Variants in DNAH17 observed in about 807,000 individuals in gnomAD.
The protein encoded by DNAH17 is dynein axonemal heavy chain 17, also known as axonemal beta dynein heavy chain 17.
DNAH17 carries 376 observed loss-of-function variants against 485.6 expected under a neutral mutation model. The ratio of observed to expected loss-of-function variants is 0.77; its 90% CI spans 0.71 to 0.84. The LOEUF (loss-of-function observed/expected upper bound fraction) is 0.84. Ranked by LOEUF, DNAH17 falls within the 40% of genes least tolerant of loss-of-function variation. DNAH17 has a pLI of 0.00. For missense variants in DNAH17, 6,370 were observed against 5,839.3 expected (o/e 1.09, Z -2.96); for synonymous variants, 3,031 against 2,405.9 (o/e 1.26, Z -7.60).
chr17:78,504,483 ACCCC>A (rs2090418742), intron 31 of DNAH17, among the ~76,000 whole-genome samples: 1 of 95,262 alleles, frequency 1.0e-5, no homozygotes, highest in Non-Finnish European at 2.4e-5. Flanking sequence ...CACCCCACCC[ACCCC>A]ACCCACCCCA....
chr17:78,451,444 G>A lies in DNAH17; in HGVS notation c.10734+25C>T, dbSNP rs371942191. 1.3e-4 allele frequency: 206 copies of A among 1,589,660 alleles called. 2 individuals are homozygous for A. The Middle Eastern group carries it at 3.1e-3, about 24-fold the overall frequency. On this transcript the variant is annotated intron_variant, in intron 66 of 80. Transcript: ENST00000389840. Reference sequence around the variant, plus strand: ...TCTGTGTGGGACGGCACCTCCTCCCGTGTGACCAAACTTCAGGCCATTACC... The same window carrying A: ...TCTGTGTGGGACGGCACCTCCTCCCATGTGACCAAACTTCAGGCCATTACC...
chr17:78,478,556 ACCAT>A (rs1264144278), intron 51 of DNAH17, among the ~76,000 whole-genome samples: 1 of 151,458 alleles, frequency 6.6e-6, no homozygotes, highest in African/African-American at 2.4e-5. Flanking sequence ...CATGACAATC[ACCAT>A]CATCATGACC....
At chr17:78,496,291 G>A (rs1192458947) in intron 37 of DNAH17, among the ~76,000 whole-genome samples, 2 of 152,014 alleles carry the variant, frequency 1.3e-5, no homozygotes, top group Admixed American at 1.3e-4. Context: ...GCTGGAGGAT[G>A]ATTTGAGCCC....
At chr17:78,493,997 T>C (rs748278120) in intron 41 of DNAH17, 39 bp downstream of exon 41, 5 of 1,592,686 alleles carry the variant, frequency 3.1e-6, no homozygotes, top group Non-Finnish European at 4.3e-6. Context: ...TCCCCCACCA[T>C]GCCGGATCCC....
At chr17:78,453,595 A>G (rs768439634) in intron 64 of DNAH17, 130 bp from the exon 65 acceptor site, 18 of 1,215,602 alleles carry the variant, frequency 1.5e-5, no homozygotes, top group Non-Finnish European at 1.8e-5. Context: ...GGAGCCCACA[A>G]CTTGTTCCCA....
intron 69 of DNAH17, among the ~76,000 whole-genome samples, chr17:78,446,694 A>T (rs993771782): frequency 6.6e-6 from 1 of 152,034 alleles, no homozygotes; most frequent in Admixed American, 6.5e-5. Context: ...CCCAGGCTGG[A>T]GCGCAGTAGC....
Position 78,445,636 on chromosome 17 carries a change from G to T in DNAH17, c.11256C>A (p.Phe3752Leu), listed in dbSNP as rs142847712. The T allele has an allele frequency of 6.4e-7, 1 of 1,572,942 alleles. No homozygotes were observed. Among genetic ancestry groups the T allele is most frequent in the Non-Finnish European group, 8.6e-7 (1 of 1,159,172 alleles). The change falls in exon 70 of 81, where the codon TTC becomes TTA. Residue 3752 changes from phenylalanine to leucine, a missense_variant. Physicochemically the swap from Phe to Leu is conservative, Grantham distance 22. Coordinates refer to ENST00000389840, the MANE Select transcript of DNAH17 (RefSeq NM_173628.4). ...CGGCCTTAAAAGGGAACCGCAGGAGGAAATCCAGCTCCACTGGGTTCAGCT... is the reference window on the plus strand; with the variant it reads ...CGGCCTTAAAAGGGAACCGCAGGAGTAAATCCAGCTCCACTGGGTTCAGCT... ...KKELNPVELD[F>L]LLRFPFKAGV...
intron 33 of DNAH17, 144 bp downstream of exon 33, chr17:78,502,447 A>C: frequency 2.7e-6 from 2 of 730,698 alleles, no homozygotes; most frequent in Non-Finnish European, 4.3e-6. Flanking sequence ...TGGCCTGTGG[A>C]AACGACGGTT....
intron 20 of DNAH17, 52 bp from the exon 21 acceptor site, chr17:78,530,564 G>C (rs916657457): frequency 7.0e-6 from 11 of 1,560,890 alleles, no homozygotes; most frequent in South Asian, 4.8e-5. Context: ...CCTAGGGGGG[G>C]CGTCAGCACA....
chr17:78,526,615 G>T lies in DNAH17; in HGVS notation c.3711+36C>A, dbSNP rs370001729. ...AGAAAAGAAAGCAGTGGGGTTCCCA[G>T]ACTTACCCCCTGATCTCACCCTTGA... On this transcript the variant is annotated intron_variant, in intron 24 of 80. Coordinates refer to ENST00000389840, the MANE Select transcript of DNAH17 (RefSeq NM_173628.4). The T allele has an allele frequency of 3.1e-5, 47 of 1,525,554 alleles. 1 individual carries two copies. The Admixed American group carries it at 6.2e-4, about 20-fold the overall frequency. The allele number at this position is 1,525,554 out of a possible 1,614,324, so 94.5% of individuals were successfully genotyped here. A position where few individuals can be genotyped will look rare whatever the true frequency, so the allele number is the denominator to read the frequency against.
rs1324182989 is a variant in DNAH17, at chr17:78,444,816, G to A, written c.11335-19C>T. The A allele has an allele frequency of 1.3e-6, 2 of 1,545,204 alleles. No homozygotes were observed. The highest frequency in any genetic ancestry group is 3.5e-4 in the Middle Eastern group (2 of 5,674). ...AGAGGGCCTAGGGGCAGAGGCAGCG[G>A]GCCCTGTGACTCTTCCCACTTACCC... On this transcript the variant is annotated intron_variant, in intron 70 of 80. Transcript: ENST00000389840.
Position 78,460,010 on chromosome 17 carries a change from G to A in DNAH17, c.9436-9C>T, listed in dbSNP as rs368972586. 3.5e-5 allele frequency: 56 copies of A among 1,612,318 alleles called. No homozygotes were observed. In the African/African-American group the frequency reaches 3.7e-4, roughly 11 times the overall value. ...AGCTCTGTCAGGTTGTTCTGCAAAT[G>A]ACAGACGGGATGGGTCCGATGGGAG... On this transcript the variant is annotated splice_polypyrimidine_tract_variant and intron_variant, in intron 59 of 80. Coordinates refer to ENST00000389840, the MANE Select transcript of DNAH17 (RefSeq NM_173628.4).
intron 73 of DNAH17, 117 bp downstream of exon 73, chr17:78,438,973 C>T: frequency 1.4e-6 from 2 of 1,414,974 alleles, no homozygotes; most frequent in Non-Finnish European, 1.9e-6. Flanking sequence ...TTAGGATTTC[C>T]ACCCACATTT....
intron 54 of DNAH17, among the ~76,000 whole-genome samples, chr17:78,472,234 G>T (rs2088785400): frequency 6.6e-6 from 1 of 151,250 alleles, no homozygotes; most frequent in Non-Finnish European, 1.5e-5. Context: ...AGACATTAGG[G>T]TTATGGAGTA....
Position 78,507,514 on chromosome 17 carries a change from G to A in DNAH17, c.4528C>T (p.Arg1510Cys), listed in dbSNP as rs761257217. The A allele has an allele frequency of 1.2e-5, 20 of 1,613,670 alleles. No individual in the cohort carries two copies. Among genetic ancestry groups the A allele is most frequent in the Middle Eastern group, 1.6e-4 (1 of 6,082 alleles). Residue 1510 changes from arginine (R) to cysteine (C), a missense_variant, in exon 28 of 81, where the codon CGC becomes TGC. By Grantham distance (180) the Arg-to-Cys change is radical (BLOSUM62 -3). Transcript: ENST00000389840. ...TGGGAGTCCCCCGGGAGCTGGGTGC[G>A]GATGTCTTCGGAGCCGATGAAGATG... ...ESIFIGSEDI[R>C]TQLPGDSQRF...
intron 13 of DNAH17, among the ~76,000 whole-genome samples, chr17:78,558,578 C>T (rs530910949): frequency 2.1e-5 from 3 of 146,336 alleles, no homozygotes; most frequent in East Asian, 2.0e-4. Flanking sequence ...GTCATCACCA[C>T]GGGTGGGTGA....
At chr17:78,550,978 G>A (rs1202789577) in intron 16 of DNAH17, among the ~76,000 whole-genome samples, 1 of 152,162 alleles carries the variant, frequency 6.6e-6, no homozygotes, top group Non-Finnish European at 1.5e-5. Flanking sequence ...CAGCACTTTG[G>A]GAAGCTGAGA....
rs55701739 is a variant in DNAH17, at chr17:78,554,436, CAAA to C, written c.2179-1634_2179-1632del. Among the ~76,000 whole-genome samples the C allele has an allele frequency of 3.4e-3, 108 of 32,142 alleles. 1 individual carries two copies. The highest frequency in any genetic ancestry group is 0.038 in the Middle Eastern group (1 of 26). The allele number at this position is 32,142 out of a possible 152,430, so 21.1% of individuals were successfully genotyped here. On this transcript the variant is annotated intron_variant, in intron 14 of 80. Transcript: ENST00000389840. ...TGGACAATAGAATGAGACTCTGTCT[CAAA>C]AAAAAAAAAAAAAAAAAAAAAAAAA...
chr17:78,518,301 G>C (rs956200113), intron 25 of DNAH17, among the ~76,000 whole-genome samples: 1 of 152,106 alleles, frequency 6.6e-6, no homozygotes, highest in Non-Finnish European at 1.5e-5. Context: ...AATGGAGAAA[G>C]ATCAGGACGA....
Sources: gnomAD v4.1 joint callset for allele counts (sites outside exome capture counted in the v4.1 genomes callset) on GRCh38, gnomAD v4.1.1 for gene constraint, MANE v1.5 for transcripts, NCBI Gene and HGNC (gene_info 2026-07-23, HGNC 2026-07-21) for gene names.